PRSS1: variants seen among roughly 807,000 people sequenced by gnomAD.
PRSS1 encodes the protein TCR V beta 4.1.
PRSS1 carries 22 observed loss-of-function variants against 24.2 expected under a neutral mutation model. The ratio of observed to expected loss-of-function variants is 0.91; its 90% CI spans 0.65 to 1.30. PRSS1 has a LOEUF of 1.30. PRSS1 is among the 50% of genes most tolerant of loss of function. PRSS1 has a pLI of 0.00. For missense variants in PRSS1, 366 were observed against 304.2 expected, an observed-to-expected ratio of 1.20 and a Z score of -1.51; for synonymous variants, 126 against 116.1, an observed-to-expected ratio of 1.08 and a Z score of -0.55.
At chr7:142,751,708 G>A (rs754108843) in intron 2 of PRSS1, 66 bp from the exon 3 acceptor site, 52 of 1,179,850 alleles carry the variant, frequency 4.4e-5, no homozygotes, top group Non-Finnish European at 5.8e-5. Context: ...TGAGGAACCT[G>A]GGGAAGGTGG....
intron 2 of PRSS1, 130 bp downstream of exon 2, chr7:142,750,844 G>A (rs769814603): frequency 1.1e-5 from 15 of 1,380,500 alleles, no homozygotes; most frequent in South Asian, 4.8e-5. Flanking sequence ...CTTGTTGGCA[G>A]CTGCGGACTC....
chr7:142,753,045 T>A lies in PRSS1; in HGVS notation c.*25T>A, dbSNP rs779079467. On this transcript the variant is annotated 3_prime_UTR_variant, in exon 5 of 5. Coordinates refer to ENST00000311737, the MANE Select transcript of PRSS1 (RefSeq NM_002769.5). ...AAGCCCCCAGTATCTCTTCAGTCTCTATACCAATAAAGTGACCCTGTTCTC... is the reference window on the plus strand; with the variant it reads ...AAGCCCCCAGTATCTCTTCAGTCTCAATACCAATAAAGTGACCCTGTTCTC... 1 of 1,610,510 alleles carries A rather than the reference T, an allele frequency of 6.2e-7. No individual in the cohort carries two copies. The highest frequency in any genetic ancestry group is 1.7e-5 in the Admixed American group (1 of 59,990).
Position 142,752,656 on chromosome 7 carries a change from G to A in PRSS1, c.591+89G>A, listed in dbSNP as rs1798850456. The A allele has an allele frequency of 3.1e-6, 5 of 1,595,234 alleles. No homozygotes were observed. In the Admixed American group the frequency reaches 6.7e-5, roughly 21 times the overall value. On this transcript the variant is annotated intron_variant, in intron 4 of 4. Coordinates refer to ENST00000311737, the MANE Select transcript of PRSS1 (RefSeq NM_002769.5). ...GGATTTGAACTCAAAAGGTGGTGGG[G>A]CTGAGGAGGCTCCCTGCAGTGCCCA...
intron 2 of PRSS1, chr7:142,750,990 AT>A (rs375181092): frequency 1.4e-6 from 1 of 712,546 alleles, no homozygotes; most frequent in Non-Finnish European, 2.5e-6. Context: ...GCAGGCAAGT[AT>A]CTTTTGCTGG....
At chr7:142,749,639 C>G in intron 1 of PRSS1, 115 bp downstream of exon 1, 2 of 1,397,336 alleles carry the variant, frequency 1.4e-6, no homozygotes, top group South Asian at 2.3e-5. Flanking sequence ...TCCGTTTCCT[C>G]CATCTGGCAT....
rs777531305 is a variant in PRSS1 at position 142,752,494 on chromosome 7, C to T, written c.518C>T (p.Ala173Val). 1.9e-6 allele frequency: 3 copies of T among 1,614,174 alleles called. No individual in the cohort carries two copies. Among genetic ancestry groups the T allele is most frequent in the Non-Finnish European group, 2.5e-6 (3 of 1,180,004 alleles). The change falls in exon 4 of 5, where the codon GCC (alanine) becomes GTC (valine). Residue 173 changes from alanine to valine, a missense_variant. Coordinates refer to ENST00000311737, the MANE Select transcript of PRSS1 (RefSeq NM_002769.5). ...APVLSQAKCE[A>V]SYPGKITSNM... ...GTGCTGAGCCAGGCTAAGTGTGAAG[C>T]CTCCTACCCTGGAAAGATTACCAGC...
chr7:142,751,981 C>A lies in PRSS1; in HGVS notation c.408C>A (p.Gly136=), dbSNP rs1585986936. 6.2e-7 allele frequency: 1 copy of A among 1,614,168 alleles called. No individual in the cohort carries two copies. The highest frequency in any genetic ancestry group is 2.2e-5 in the East Asian group (1 of 44,880). The stretch of plus-strand genomic sequence containing the variant: ...TGCCCACCGCCCCTCCAGCCACTGG[C>A]ACGAAGTGCCTCATCTCTGGCTGGG... ...ISLPTAPPAT[G]TKCLISGWGN... The change falls in exon 3 of 5, where the codon GGC becomes GGA. Residue 136 remains glycine, a synonymous_variant. Transcript: ENST00000311737.
At chr7:142,749,559 C>T (rs774477433) in intron 1 of PRSS1, 35 bp downstream of exon 1, 6 of 1,490,462 alleles carry the variant, frequency 4.0e-6, no homozygotes, top group South Asian at 3.4e-5. Flanking sequence ...CCCCAACCAC[C>T]CCCCCGTTCC....
Position 142,751,769 on chromosome 7 carries a change from A to C in PRSS1, c.201-5A>C. On this transcript the variant is annotated splice_polypyrimidine_tract_variant and splice_region_variant and intron_variant, in intron 2 of 4. Transcript: ENST00000311737. ...GGTCTTCACCATGCCTGCCCTGCCC[A>C]TCAGCCGCATCCAGGTGAGACTGGG... 4.3e-6 allele frequency: 7 copies of C among 1,614,154 alleles called. No homozygotes were observed. The highest frequency in any genetic ancestry group is 5.9e-6 in the Non-Finnish European group (7 of 1,180,030).
intron 4 of PRSS1, 52 bp downstream of exon 4, chr7:142,752,619 C>A (rs1383332893): frequency 1.2e-6 from 2 of 1,613,672 alleles, no homozygotes; most frequent in Non-Finnish European, 1.7e-6. Flanking sequence ...ACCTAGGCCC[C>A]ACCAGGGAAA....
rs1254103203 is a variant in PRSS1, at chr7:142,749,473, C to T, written c.-12C>T. The T allele has an allele frequency of 1.2e-6, 2 of 1,613,716 alleles. No homozygotes were observed. Among genetic ancestry groups the T allele is most frequent in the South Asian group, 1.1e-5 (1 of 91,084 alleles). On this transcript the variant is annotated 5_prime_UTR_variant, in exon 1 of 5. Coordinates refer to ENST00000311737, the MANE Select transcript of PRSS1 (RefSeq NM_002769.5). ...CGAGTCCTCCACCACCAGTCAGGCA[C>T]ACTCTACCACCATGAATCCACTCCT...
rs202228418 is a variant in PRSS1 at position 142,752,470 on chromosome 7, T to C, written c.494T>C (p.Val165Ala). The C allele has an allele frequency of 6.2e-7, 1 of 1,614,154 alleles. No homozygotes were observed. Among genetic ancestry groups the C allele is most frequent in the South Asian group, 1.1e-5 (1 of 91,070 alleles). ...GAGCTGCAGTGCCTGGATGCTCCTG[T>C]GCTGAGCCAGGCTAAGTGTGAAGCC... is the stretch of plus-strand genomic sequence containing the variant. ...PDELQCLDAP[V>A]LSQAKCEASY... is the part of the protein sequence containing the mutation. Residue 165 changes from valine to alanine, a missense_variant, in exon 4 of 5, where the codon GTG (valine) becomes GCG (alanine). Coordinates refer to ENST00000311737, the MANE Select transcript of PRSS1 (RefSeq NM_002769.5).
In PRSS1 at chr7:142,752,537, C is replaced by T. The variant is rs1804561; in HGVS notation, c.561C>T (p.Gly187=). 17 of 1,614,012 alleles carry T rather than the reference C, an allele frequency of 1.1e-5. No individual in the cohort carries two copies. The highest frequency in any genetic ancestry group is 1.6e-4 in the Middle Eastern group (1 of 6,082). The change falls in exon 4 of 5, where the codon GGC becomes GGT. Residue 187 remains glycine, a synonymous_variant. Coordinates refer to ENST00000311737, the MANE Select transcript of PRSS1 (RefSeq NM_002769.5). ...GKITSNMFCV[G]FLEGGKDSCQ... is the part of the protein sequence containing the mutation. ...TTACCAGCAACATGTTCTGTGTGGG[C>T]TTCCTTGAGGGAGGCAAGGATTCAT... is the stretch of plus-strand genomic sequence containing the variant.
In PRSS1 at chr7:142,751,216, C is replaced by T. The variant is rs1203160354; in HGVS notation, c.200+502C>T. The T allele has an allele frequency of 1.2e-5, 7 of 602,978 alleles. No homozygotes were observed. In the South Asian group the frequency reaches 1.3e-4, roughly 11 times the overall value. The allele number at this position is 602,978 out of a possible 1,614,324, so 37.4% of individuals were successfully genotyped here. A position where few individuals can be genotyped will look rare whatever the true frequency, so the allele number is the denominator to read the frequency against. ...CAAACCTGAGTATGCATCAGAACGC[C>T]CTGCAGGCTTGTTAAGGCACAAATC... On this transcript the variant is annotated intron_variant, in intron 2 of 4. Transcript: ENST00000311737.
intron 2 of PRSS1, chr7:142,751,345 G>A (rs1328986567): frequency 5.1e-6 from 3 of 589,660 alleles, no homozygotes; most frequent in South Asian, 2.0e-5. Context: ...GGCTACCCTT[G>A]GATTAGATTA....
At position 142,750,677 on chromosome 7, in the gene PRSS1, G is replaced by C. The variant is rs1365488828; in HGVS notation, c.163G>C (p.Glu55Gln). The stretch of plus-strand genomic sequence containing the variant: ...CTTCTGTGGTGGCTCCCTCATCAAC[G>C]AACAGTGGGTGGTATCAGCAGGCCA... ...YHFCGGSLINEQWVVSAGHCY... is the reference protein window; with the variant it reads ...YHFCGGSLINQQWVVSAGHCY... Residue 55 changes from glutamate to glutamine, a missense_variant, in exon 2 of 5, where the codon GAA (glutamate) becomes CAA (glutamine). Coordinates refer to ENST00000311737, the MANE Select transcript of PRSS1 (RefSeq NM_002769.5). 5 of 1,613,100 alleles carry C rather than the reference G, an allele frequency of 3.1e-6. No homozygotes were observed. The highest frequency in any genetic ancestry group is 1.1e-5 in the South Asian group (1 of 91,068).
intron 3 of PRSS1, 25 bp from the exon 4 acceptor site, chr7:142,752,405 CT>C: frequency 6.2e-7 from 1 of 1,613,014 alleles, no homozygotes. Context: ...TTTCTACTTC[CT>C]TTGATCTCTT....
chr7:142,751,412 C>T (rs1798715325), intron 2 of PRSS1: 1 of 573,690 alleles, frequency 1.7e-6, no homozygotes, highest in Non-Finnish European at 3.1e-6. Flanking sequence ...GCACTGTGCA[C>T]AGTTGGCAAA....
chr7:142,751,137 T>C (rs1203345003), intron 2 of PRSS1: 2 of 702,052 alleles, frequency 2.8e-6, no homozygotes, highest in African/African-American at 3.5e-5. Flanking sequence ...CTACCTCTGC[T>C]AACTGTAGAG....
Sources: gnomAD v4.1 joint callset for allele counts on GRCh38, gnomAD v4.1.1 for gene constraint, MANE v1.5 for transcripts, NCBI Gene and HGNC (gene_info 2026-07-23, HGNC 2026-07-21) for gene names.